Variants in ZFHX4 observed in about 807,000 individuals in gnomAD.
ZFHX4 encodes zinc finger homeobox protein 4.
ZFHX4 carries 56 observed loss-of-function variants against 267.6 expected under a neutral mutation model. The observed-to-expected ratio is 0.21, with a 90% CI of 0.17 to 0.26. The LOEUF (loss-of-function observed/expected upper bound fraction) is 0.26, where lower values mean the gene tolerates loss of function less well. ZFHX4 is among the 10% of genes least tolerant of loss of function. ZFHX4 has a pLI of 1.00. For missense variants in ZFHX4, 4,332 were observed against 4,420.0 expected (o/e 0.98, Z 0.56); for synonymous variants, 1,778 against 1,665.6 (o/e 1.07, Z -1.64).
Position 76,807,321 on chromosome 8 carries a change from A to G in ZFHX4, c.3326-26017A>G, listed in dbSNP as rs574409395. 4.6e-5 allele frequency among the ~76,000 whole-genome samples: 7 copies of G among 152,196 alleles called. No individual in the cohort carries two copies. In the South Asian group the frequency reaches 1.5e-3, roughly 32 times the overall value. On this transcript the variant is annotated intron_variant, in intron 4 of 10. Coordinates refer to ENST00000651372, the MANE Select transcript of ZFHX4 (RefSeq NM_024721.5). ...AGAAAAACTAAAGGCTAACCTTTAA[A>G]TTACTGAAAACATCTTTTGTATCCA...
chr8:76,750,108 G>A (rs964371294), intron 3 of ZFHX4, among the ~76,000 whole-genome samples: 1 of 152,022 alleles, frequency 6.6e-6, no homozygotes, highest in African/African-American at 2.4e-5. Context: ...TTGTTCTTAG[G>A]CTGTGTTGTT....
chr8:76,825,229 A>C (rs1811754285), intron 4 of ZFHX4, among the ~76,000 whole-genome samples: 1 of 152,264 alleles, frequency 6.6e-6, no homozygotes, highest in Non-Finnish European at 1.5e-5. Context: ...ACTACTACTT[A>C]TTCAATACTA....
At chr8:76,753,047 A>T (rs1809663181) in intron 3 of ZFHX4, among the ~76,000 whole-genome samples, 2 of 152,194 alleles carry the variant, frequency 1.3e-5, no homozygotes, top group African/African-American at 4.8e-5. Flanking sequence ...TTGTAGAGAT[A>T]GGGTTGCAAA....
chr8:76,686,985 T>C (rs112401519), intron 1 of ZFHX4, among the ~76,000 whole-genome samples: 1 of 152,152 alleles, frequency 6.6e-6, no homozygotes, highest in African/African-American at 2.4e-5. Flanking sequence ...TTGGCCAAGG[T>C]TCAAACTGAG....
chr8:76,786,023 G>A (rs549732385), intron 4 of ZFHX4, among the ~76,000 whole-genome samples: 7 of 152,060 alleles, frequency 4.6e-5, no homozygotes, highest in East Asian at 1.9e-4. Flanking sequence ...AACCCGTAAC[G>A]TGGATATTAT....
chr8:76,788,506 T>G (rs1023678612), intron 4 of ZFHX4, among the ~76,000 whole-genome samples: 2 of 152,232 alleles, frequency 1.3e-5, no homozygotes, highest in Middle Eastern at 3.2e-3. Flanking sequence ...TAAAAATATG[T>G]CTCCTGCTTC....
Position 76,769,214 on chromosome 8 carries a change from A to T in ZFHX4, c.3094-8994A>T, listed in dbSNP as rs140305014. 1.3e-4 allele frequency among the ~76,000 whole-genome samples: 20 copies of T among 152,342 alleles called. No homozygotes were observed. In the East Asian group the frequency reaches 2.9e-3, roughly 22 times the overall value. On this transcript the variant is annotated intron_variant, in intron 3 of 10. Transcript: ENST00000651372. ...GGACTCTGACAAATGGATGACATGA[A>T]TGATCTTTCCATATGTGAGAAACAA...
chr8:76,778,213 G>C lies in ZFHX4; in HGVS notation c.3099G>C (p.Leu1033Phe). 2 of 1,609,962 alleles carry C rather than the reference G, an allele frequency of 1.2e-6. No individual in the cohort carries two copies. Among genetic ancestry groups the C allele is most frequent in the Non-Finnish European group, 1.7e-6 (2 of 1,176,416 alleles). The change falls in exon 4 of 11, where the codon TTG becomes TTC. Residue 1033 changes from leucine to phenylalanine, a missense_variant. By Grantham distance (22) the Leu-to-Phe change is conservative (BLOSUM62 0). Coordinates refer to ENST00000651372, the MANE Select transcript of ZFHX4 (RefSeq NM_024721.5). ...GAGCCTTCCCTTCCTTTCAGCACTT[G>C]CAGAAGCAAGAGGGTGCAGTGAATC... ...HEAALKLYKH[L>F]QKQEGAVNPE...
At position 76,707,654 on chromosome 8, in the gene ZFHX4, C is replaced by T. The variant is rs775789501; in HGVS notation, c.2699C>T (p.Ala900Val). The change falls in exon 3 of 11, where the codon GCG becomes GTG. Residue 900 changes from alanine to valine, a missense_variant. By Grantham distance (64) the Ala-to-Val change is moderately conservative. Around this residue, in one of 7 missense-constraint regions of ZFHX4, gnomAD observed 1,195 missense variants for 1,173.6 expected, o/e 1.02. Coordinates refer to ENST00000651372, the MANE Select transcript of ZFHX4 (RefSeq NM_024721.5). Reference sequence around the variant, plus strand: ...CTGTCACCTTATATCAGTGACCCAGCGCTGAAGCTATTCCAGTGTGCTGTT... The same window carrying T: ...CTGTCACCTTATATCAGTGACCCAGTGCTGAAGCTATTCCAGTGTGCTGTT... ...GELSPYISDP[A>V]LKLFQCAVCN... The T allele has an allele frequency of 1.3e-5, 21 of 1,613,708 alleles. No individual in the cohort carries two copies. In the East Asian group the frequency reaches 1.6e-4, roughly 12 times the overall value.
chr8:76,705,938 A>C lies in ZFHX4; in HGVS notation c.1850A>C (p.Lys617Thr), dbSNP rs1316322404. 1.9e-6 allele frequency: 3 copies of C among 1,613,324 alleles called. No homozygotes were observed. The highest frequency in any genetic ancestry group is 1.7e-6 in the Non-Finnish European group (2 of 1,179,734). Reference sequence around the variant, plus strand: ...CCGGGCAGTGGCATCGAGTGTCCAAAGTGCGACACTGTGTTGGGGTCTTCG... The same window carrying C: ...CCGGGCAGTGGCATCGAGTGTCCAACGTGCGACACTGTGTTGGGGTCTTCG... ...GSPGSGIECP[K>T]CDTVLGSSRS... Residue 617 changes from lysine to threonine, a missense_variant, in exon 2 of 11, where the codon AAG becomes ACG. Lys to Thr is a moderately conservative substitution (Grantham distance 78, BLOSUM62 -1). Around this residue, in one of 7 missense-constraint regions of ZFHX4, gnomAD observed 1,195 missense variants for 1,173.6 expected, o/e 1.02. Transcript: ENST00000651372.
intron 5 of ZFHX4, chr8:76,834,183 A>T: frequency 2.3e-6 from 1 of 442,108 alleles, no homozygotes; most frequent in Non-Finnish European, 4.5e-6. Context: ...TACGAATAAA[A>T]CTACTATGAG....
chr8:76,735,764 G>A (rs962096039), intron 3 of ZFHX4, among the ~76,000 whole-genome samples: 2 of 152,190 alleles, frequency 1.3e-5, no homozygotes, highest in South Asian at 2.1e-4. Flanking sequence ...AATGGATCGA[G>A]GGGAGAAGAT....
chr8:76,683,549 C>T (rs1279093595), intron 1 of ZFHX4, among the ~76,000 whole-genome samples: 2 of 151,388 alleles, frequency 1.3e-5, no homozygotes, highest in African/African-American at 4.9e-5. Context: ...CTTGAGTCTC[C>T]CCCCCACCCT....
At chr8:76,771,488 G>T (rs1810262661) in intron 3 of ZFHX4, among the ~76,000 whole-genome samples, 1 of 152,092 alleles carries the variant, frequency 6.6e-6, no homozygotes, top group South Asian at 2.1e-4. Flanking sequence ...GCCCAGGCTA[G>T]AGTGCAGTGG....
intron 10 of ZFHX4, 149 bp downstream of exon 10, chr8:76,856,449 T>C (rs1028637111): frequency 2.1e-6 from 2 of 960,698 alleles, no homozygotes; most frequent in South Asian, 1.4e-5. Context: ...ATATTGGCTA[T>C]AGCTAATTAC....
intron 1 of ZFHX4, among the ~76,000 whole-genome samples, chr8:76,698,631 T>C (rs903860822): frequency 3.3e-5 from 5 of 151,958 alleles, no homozygotes; most frequent in African/African-American, 1.2e-4. Flanking sequence ...AGGGTCCCAT[T>C]TACAGAGAAG....
chr8:76,839,124 T>A (rs1387104567), intron 5 of ZFHX4, among the ~76,000 whole-genome samples: 1 of 146,276 alleles, frequency 6.8e-6, no homozygotes, highest in Non-Finnish European at 1.5e-5. Flanking sequence ...ATAAGTACAA[T>A]TGGGTGGTAC....
In ZFHX4 at chr8:76,865,861, C is replaced by T. The variant is rs113946042; in HGVS notation, c.*1296C>T. The stretch of plus-strand genomic sequence containing the variant: ...GCACTTGTGTTGTATTGTTCTGTTA[C>T]ATACTTTTTTTAACCTGTTTTGTTT... On this transcript the variant is annotated 3_prime_UTR_variant, in exon 11 of 11. Transcript: ENST00000651372. The T allele has an allele frequency of 3.3e-5, 5 of 152,490 alleles. No homozygotes were observed. Among genetic ancestry groups the T allele is most frequent in the African/African-American group, 1.2e-4 (5 of 41,412 alleles). 9.4% of individuals were successfully genotyped at this position (152,490 alleles called of 1,614,324 possible). A position where few individuals can be genotyped will look rare whatever the true frequency, so the allele number is the denominator to read the frequency against.
At chr8:76,800,789 A>T (rs1811099715) in intron 4 of ZFHX4, among the ~76,000 whole-genome samples, 1 of 152,202 alleles carries the variant, frequency 6.6e-6, no homozygotes, top group Non-Finnish European at 1.5e-5. Context: ...AGTTTTTATT[A>T]GCAGCAAGGA....
Sources: allele counts gnomAD v4.1 joint callset (sites outside exome capture counted in the v4.1 genomes callset), GRCh38; gene constraint gnomAD v4.1.1; regional missense constraint gnomAD v4.1.1; transcripts MANE v1.5; gene names NCBI Gene and HGNC (gene_info 2026-07-23, HGNC 2026-07-21).